NRG3: variants seen among roughly 807,000 people sequenced by gnomAD.
The protein encoded by NRG3 is neuregulin 3.
A neutral mutation model predicts 66.9 loss-of-function variants in NRG3; 31 were observed. That is an observed-to-expected ratio of 0.46 (90% confidence interval 0.35 to 0.63). NRG3 has a LOEUF of 0.63. NRG3 is among the 20% of genes least tolerant of loss of function. NRG3 has a pLI of 0.00. For missense variants in NRG3, 910 were observed against 878.9 expected (o/e 1.04, Z -0.45); for synonymous variants, 393 against 359.4 (o/e 1.09, Z -1.06).
chr10:81,879,596 A>G (rs1414920753), intron 1 of NRG3, among the ~76,000 whole-genome samples: 1 of 152,238 alleles, frequency 6.6e-6, no homozygotes, highest in Non-Finnish European at 1.5e-5. Flanking sequence ...TGGAAGGTAT[A>G]TGGTTAATTA....
chr10:82,920,305 G>A (rs1846302794), intron 4 of NRG3, among the ~76,000 whole-genome samples: 2 of 152,108 alleles, frequency 1.3e-5, no homozygotes, highest in South Asian at 4.2e-4. Flanking sequence ...GAAACTGATG[G>A]TAGTTGGTGG....
In NRG3 at chr10:82,685,580, C is replaced by T. The variant is rs142805995; in HGVS notation, c.954-52997C>T. On this transcript the variant is annotated intron_variant, in intron 2 of 8. Coordinates refer to ENST00000372141, the MANE Select transcript of NRG3 (RefSeq NM_001010848.4). ...AACACTGTACAGTTAGGCTACACTA[C>T]GTTTGTAAAAAAATATTTTTTCTTT... Among the ~76,000 whole-genome samples, 283 of 152,186 alleles carry T rather than the reference C, an allele frequency of 1.9e-3. 1 individual carries two copies. The highest frequency in any genetic ancestry group is 6.3e-3 in the African/African-American group (263 of 41,538).
chr10:82,740,005 TCTC>T (rs1435263724), intron 3 of NRG3, among the ~76,000 whole-genome samples: 4 of 48,082 alleles, frequency 8.3e-5, no homozygotes, highest in Non-Finnish European at 2.4e-4. Flanking sequence ...TTTCTTTCTC[TCTC>T]TTTTTTCCTC....
At chr10:82,826,144 G>A (rs1355406945) in intron 3 of NRG3, among the ~76,000 whole-genome samples, 2 of 151,808 alleles carry the variant, frequency 1.3e-5, no homozygotes, top group Non-Finnish European at 2.9e-5. Flanking sequence ...GCTTTGTCAA[G>A]CATTAGGAGC....
intron 1 of NRG3, among the ~76,000 whole-genome samples, chr10:82,312,643 C>T (rs1038768553): frequency 6.6e-6 from 1 of 152,078 alleles, no homozygotes; most frequent in Admixed American, 6.5e-5. Context: ...GGGGGTATTG[C>T]AAGATGGCAC....
intron 1 of NRG3, among the ~76,000 whole-genome samples, chr10:82,116,224 A>T (rs1333691660): frequency 2.0e-5 from 3 of 151,272 alleles, no homozygotes; most frequent in African/African-American, 7.4e-5. Flanking sequence ...TGTCCCTTAT[A>T]CTTTGATATA....
At chr10:82,140,021 A>C (rs909874739) in intron 1 of NRG3, among the ~76,000 whole-genome samples, 1 of 152,166 alleles carries the variant, frequency 6.6e-6, no homozygotes, top group African/African-American at 2.4e-5. Flanking sequence ...CCTGAATCAA[A>C]ACAGCAAGCT....
intron 1 of NRG3, among the ~76,000 whole-genome samples, chr10:82,155,798 A>G (rs2071141648): frequency 1.3e-5 from 2 of 151,816 alleles, no homozygotes; most frequent in South Asian, 4.1e-4. Flanking sequence ...TTTAATTTTC[A>G]ATATTTATAT....
At chr10:82,068,052 A>G (rs1713700607) in intron 1 of NRG3, among the ~76,000 whole-genome samples, 1 of 152,234 alleles carries the variant, frequency 6.6e-6, no homozygotes, top group Admixed American at 6.5e-5. Context: ...ACAACTGACA[A>G]GTGTTTCCTG....
intron 1 of NRG3, among the ~76,000 whole-genome samples, chr10:81,933,125 A>G (rs1847542624): frequency 6.6e-6 from 1 of 150,482 alleles, no homozygotes; most frequent in Admixed American, 6.6e-5. Context: ...AAAAAAAAAA[A>G]GAAAAGAAAA....
Position 82,516,752 on chromosome 10 carries a change from A to G in NRG3, c.953+157884A>G, listed in dbSNP as rs551806543. ...GACAAAGCTTCTTTCCAGATTCATTATGTATTTTTAGGATTTTTCAAGAAA... is the reference window on the plus strand; with the variant it reads ...GACAAAGCTTCTTTCCAGATTCATTGTGTATTTTTAGGATTTTTCAAGAAA... On this transcript the variant is annotated intron_variant, in intron 2 of 8. Transcript: ENST00000372141. Among the ~76,000 whole-genome samples, 262 of 152,236 alleles carry G rather than the reference A, an allele frequency of 1.7e-3. 2 individuals are homozygous for G. Among genetic ancestry groups the G allele is most frequent in the African/African-American group, 5.2e-3 (218 of 41,572 alleles).
intron 2 of NRG3, among the ~76,000 whole-genome samples, chr10:82,527,959 G>T (rs1393220052): frequency 6.7e-6 from 1 of 150,002 alleles, no homozygotes; most frequent in African/African-American, 2.5e-5. Flanking sequence ...GGGGGTGGGG[G>T]TGGGGCTGGC....
intron 1 of NRG3, among the ~76,000 whole-genome samples, chr10:81,995,005 T>C (rs943644632): frequency 2.0e-5 from 3 of 152,178 alleles, no homozygotes; most frequent in African/African-American, 4.8e-5. Context: ...TTCTTTCTTA[T>C]GTGAATTTGG....
intron 4 of NRG3, among the ~76,000 whole-genome samples, chr10:82,871,828 TG>T (rs1281848413): frequency 1.3e-5 from 2 of 152,018 alleles, no homozygotes; most frequent in Admixed American, 6.6e-5. Context: ...TTTTAATTTT[TG>T]TTAACCTAAG....
At position 82,455,973 on chromosome 10, in the gene NRG3, A is replaced by G. The variant is rs367655415; in HGVS notation, c.953+97105A>G. Among the ~76,000 whole-genome samples, 9 of 152,234 alleles carry G rather than the reference A, an allele frequency of 5.9e-5. 1 individual carries two copies. Among genetic ancestry groups the G allele is most frequent in the African/African-American group, 2.2e-4 (9 of 41,540 alleles). ...ATCTATTCAATAATAAATTAACCTT[A>G]GCTTACTGTCACATTTTACATTTAA... On this transcript the variant is annotated intron_variant, in intron 2 of 8. Coordinates refer to ENST00000372141, the MANE Select transcript of NRG3 (RefSeq NM_001010848.4).
chr10:82,379,820 T>G (rs1219735331), intron 2 of NRG3, among the ~76,000 whole-genome samples: 1 of 144,904 alleles, frequency 6.9e-6, no homozygotes, highest in African/African-American at 2.6e-5. Flanking sequence ...AAACTTCAAG[T>G]GGAATGGAAG....
intron 3 of NRG3, among the ~76,000 whole-genome samples, chr10:82,782,472 A>C (rs565188019): frequency 6.6e-6 from 1 of 152,234 alleles, no homozygotes; most frequent in South Asian, 2.1e-4. Context: ...ATATTTATAA[A>C]CAGAATACCT....
At chr10:82,453,682 T>TA (rs541557844) in intron 2 of NRG3, among the ~76,000 whole-genome samples, 7,878 of 126,140 alleles carry the variant, frequency 0.062, 265 homozygotes, top group Non-Finnish European at 0.093. Flanking sequence ...TGTTTTGAGC[T>TA]AAAAAAAAAA....
chr10:82,565,469 G>C (rs1333718346), intron 2 of NRG3, among the ~76,000 whole-genome samples: 1 of 152,006 alleles, frequency 6.6e-6, no homozygotes, highest in Non-Finnish European at 1.5e-5. Context: ...CTGTTTTGTG[G>C]GTAACAGCCT....
Sources: gnomAD v4.1 joint callset for allele counts (sites outside exome capture counted in the v4.1 genomes callset) on GRCh38, gnomAD v4.1.1 for gene constraint, MANE v1.5 for transcripts, NCBI Gene and HGNC (gene_info 2026-07-23, HGNC 2026-07-21) for gene names.